The following NLRP3 variants were observed in gnomAD, a reference collection of about 807,000 sequenced individuals.
NLRP3 encodes NACHT, LRR and PYD domains-containing protein 3.
In NLRP3, 48 loss-of-function variants were observed where a neutral mutation model predicts 91.3. The observed-to-expected ratio is 0.53, with a 90% confidence interval of 0.42 to 0.67. The LOEUF (loss-of-function observed/expected upper bound fraction) is 0.67, where lower values mean the gene tolerates loss of function less well. Ranked by LOEUF, NLRP3 falls within the 30% of genes least tolerant of loss-of-function variation. The probability of loss-of-function intolerance (pLI) is 0.00; values close to 1 mark genes in which losing one functional copy is unlikely to be tolerated. For missense variants in NLRP3, 982 were observed against 1,276.9 expected, an observed-to-expected ratio of 0.77 and a Z score of 3.52; for synonymous variants, 561 against 507.9, an observed-to-expected ratio of 1.10 and a Z score of -1.41.
chr1:247,443,522 G>A (rs958824511), intron 7 of NLRP3, among the ~76,000 whole-genome samples: 1 of 149,938 alleles, frequency 6.7e-6, no homozygotes, highest in Non-Finnish European at 1.5e-5. Flanking sequence ...AATCAGCACC[G>A]ACTTCCCATG....
chr1:247,420,283 A>G (rs1662359751), intron 2 of NLRP3, among the ~76,000 whole-genome samples: 1 of 152,150 alleles, frequency 6.6e-6, no homozygotes, highest in Non-Finnish European at 1.5e-5. Context: ...GTTGCCTTGT[A>G]GGAGTTCTTT....
Position 247,444,029 on chromosome 1 carries a change from C to A in NLRP3, c.2721C>A (p.Ser907Arg), listed in dbSNP as rs769462727. 6.2e-7 allele frequency: 1 copy of A among 1,614,154 alleles called. No individual in the cohort carries two copies. Among genetic ancestry groups the A allele is most frequent in the Admixed American group, 1.7e-5 (1 of 60,024 alleles). Reference protein sequence around the residue: ...VCCSALSSVLSTNQNLTHLYL... With the variant: ...VCCSALSSVLRTNQNLTHLYL... ...GTTCAGCTTTGTCCTCGGTACTCAG[C>A]ACTAATCAGAATCTCACGCACCTTT... is the stretch of plus-strand genomic sequence containing the variant. The change falls in exon 8 of 10, where the codon AGC (serine) becomes AGA (arginine). Residue 907 changes from serine (S) to arginine (R), a missense_variant. By Grantham distance (110) the Ser-to-Arg change is moderately radical (BLOSUM62 -1). Coordinates refer to ENST00000336119, the MANE Select transcript of NLRP3 (RefSeq NM_001243133.2).
At chr1:247,446,079 T>G (rs1664566229) in intron 9 of NLRP3, among the ~76,000 whole-genome samples, 1 of 152,210 alleles carries the variant, frequency 6.6e-6, no homozygotes, top group African/African-American at 2.4e-5. Context: ...GGTCACTTCC[T>G]CCAAGTTGCT....
At chr1:247,431,787 T>C (rs758160078) in intron 5 of NLRP3, among the ~76,000 whole-genome samples, 16 of 152,266 alleles carry the variant, frequency 1.1e-4, no homozygotes, top group Middle Eastern at 3.2e-3. Flanking sequence ...CTGTCTGCTC[T>C]GCTCTTTATT....
chr1:247,435,777 G>A lies in NLRP3; in HGVS notation c.2493-193G>A, dbSNP rs116096527. 6.8e-3 allele frequency among the ~76,000 whole-genome samples: 1,037 copies of A among 152,306 alleles called. 12 individuals are homozygous for A. Among genetic ancestry groups the A allele is most frequent in the African/African-American group, 0.022 (932 of 41,566 alleles). Reference sequence around the variant, plus strand: ...TAGGGAGCTGGGAAGATGTAGTATTGGTGGGAGCTTGGAGAATGCTTACTT... The same window carrying A: ...TAGGGAGCTGGGAAGATGTAGTATTAGTGGGAGCTTGGAGAATGCTTACTT... On this transcript the variant is annotated intron_variant, in intron 6 of 9. Transcript: ENST00000336119.
rs566444067 is a variant in NLRP3 at position 247,430,410 on chromosome 1, C to T, written c.2321+655C>T. 3.2e-3 allele frequency among the ~76,000 whole-genome samples: 464 copies of T among 146,340 alleles called. 2 individuals carry two copies. Among genetic ancestry groups the T allele is most frequent in the Middle Eastern group, 7.1e-3 (2 of 282 alleles). On this transcript the variant is annotated intron_variant, in intron 5 of 9. Transcript: ENST00000336119. The stretch of plus-strand genomic sequence containing the variant: ...TCCTCTTCTTACAGGGACAGCAGTC[C>T]TGATGGATTAGGCACAGTCAGGCAT...
At chr1:247,434,974 A>G (rs1057417637) in intron 6 of NLRP3, among the ~76,000 whole-genome samples, 1 of 152,200 alleles carries the variant, frequency 6.6e-6, no homozygotes, top group African/African-American at 2.4e-5. Flanking sequence ...GAACTCAGCC[A>G]GGAGCGGTGG....
intron 9 of NLRP3, among the ~76,000 whole-genome samples, chr1:247,446,843 T>G (rs752045713): frequency 7.9e-5 from 12 of 152,248 alleles, no homozygotes; most frequent in Non-Finnish European, 1.6e-4. Context: ...CTTGTTGGAA[T>G]GCAGGTTTGA....
At chr1:247,422,898 G>A (rs1197009791) in intron 2 of NLRP3, among the ~76,000 whole-genome samples, 1 of 152,222 alleles carries the variant, frequency 6.6e-6, no homozygotes, top group Non-Finnish European at 1.5e-5. Context: ...CAGGCTGCCA[G>A]GGGCAGGCAA....
chr1:247,421,315 G>A (rs1408828887), intron 2 of NLRP3, among the ~76,000 whole-genome samples: 1 of 152,058 alleles, frequency 6.6e-6, no homozygotes, highest in African/African-American at 2.4e-5. Context: ...AGACAGCAGT[G>A]TGCAGCCGGG....
intron 5 of NLRP3, 71 bp from the exon 6 acceptor site, chr1:247,434,032 T>C: frequency 1.3e-6 from 1 of 742,650 alleles, no homozygotes; most frequent in South Asian, 1.7e-5. Context: ...TGTGTCCTGA[T>C]GCTTCCTCTG....
chr1:247,428,327 T>C (rs2103126660), intron 4 of NLRP3, among the ~76,000 whole-genome samples: 1 of 152,386 alleles, frequency 6.6e-6, no homozygotes, highest in African/African-American at 2.4e-5. Context: ...TGCCTTACTC[T>C]GAGGGCAGGA....
chr1:247,436,493 A>G (rs1017224821), intron 7 of NLRP3, among the ~76,000 whole-genome samples: 5 of 152,170 alleles, frequency 3.3e-5, no homozygotes, highest in Non-Finnish European at 7.3e-5. Flanking sequence ...CGCATAGTGC[A>G]TGCAGCCTCT....
At chr1:247,429,829 A>G (rs1055619768) in intron 5 of NLRP3, 74 bp downstream of exon 5, 2 of 1,558,530 alleles carry the variant, frequency 1.3e-6, no homozygotes, top group Non-Finnish European at 1.8e-6. Context: ...GACTGGAGAA[A>G]GATCTTCAGG....
chr1:247,433,995 T>C lies in NLRP3; in HGVS notation c.2322-108T>C, dbSNP rs12143631. On this transcript the variant is annotated intron_variant, in intron 5 of 9. Transcript: ENST00000336119. The stretch of plus-strand genomic sequence containing the variant: ...TCTGATCAGATGTGTTCTGATGCTT[T>C]CTCTATTCCGGAGCTTCCTGATCAG... 15,234 of 663,860 alleles carry C rather than the reference T, an allele frequency of 0.023. 1,551 individuals are homozygous for C. The highest frequency in any genetic ancestry group is 0.073 in the Admixed American group (3,005 of 41,280). The allele number at this position is 663,860 out of a possible 1,614,324, so 41.1% of individuals were successfully genotyped here. A position where few individuals can be genotyped will look rare whatever the true frequency, so the allele number is the denominator to read the frequency against.
chr1:247,429,168 C>G (rs12125234), intron 4 of NLRP3, among the ~76,000 whole-genome samples: 5,187 of 152,238 alleles, frequency 0.034, 134 homozygotes, highest in Non-Finnish European at 0.053. Flanking sequence ...GCTGGGATTA[C>G]AGGTGTGAGC....
chr1:247,422,009 A>T (rs1662494419), intron 2 of NLRP3, among the ~76,000 whole-genome samples: 2 of 152,174 alleles, frequency 1.3e-5, no homozygotes, highest in Admixed American at 6.5e-5. Context: ...TTAAAAAAAA[A>T]GAATAAGATT....
intron 4 of NLRP3, among the ~76,000 whole-genome samples, chr1:247,426,380 T>A (rs559868464): frequency 6.6e-6 from 1 of 152,312 alleles, no homozygotes; most frequent in East Asian, 1.9e-4. Flanking sequence ...TCACCTGACT[T>A]CTGAGTCCCT....
At chr1:247,434,426 G>A (rs992224324) in intron 6 of NLRP3, among the ~76,000 whole-genome samples, 153 bp downstream of exon 6, 1 of 152,174 alleles carries the variant, frequency 6.6e-6, no homozygotes, top group Non-Finnish European at 1.5e-5. Flanking sequence ...CTAGCATTGC[G>A]GTCAGTGAGT....
Sources: gnomAD v4.1 joint callset for allele counts (sites outside exome capture counted in the v4.1 genomes callset) on GRCh38, gnomAD v4.1.1 for gene constraint, MANE v1.5 for transcripts, NCBI Gene and HGNC (gene_info 2026-07-23, HGNC 2026-07-21) for gene names.